Variants in ATXN7 observed in about 807,000 individuals in gnomAD.
ATXN7 encodes the protein ataxin-7.
In ATXN7, 12 loss-of-function variants were observed where a neutral mutation model predicts 70.5. The ratio of observed to expected loss-of-function variants is 0.17; its 90% CI spans 0.11 to 0.28. The LOEUF is 0.28. Ranked by LOEUF, ATXN7 falls within the 10% of genes least tolerant of loss-of-function variation. The pLI is 1.00. For missense variants in ATXN7, 1,256 were observed against 1,131.7 expected (o/e 1.11, Z -1.58); for synonymous variants, 498 against 448.7 (o/e 1.11, Z -1.39).
chr3:63,987,644 C>G (rs2075599088), intron 8 of ATXN7, among the ~76,000 whole-genome samples: 1 of 152,118 alleles, frequency 6.6e-6, no homozygotes, highest in African/African-American at 2.4e-5. Flanking sequence ...ATTGTTTCTT[C>G]CCTTTACATT....
chr3:63,925,337 C>G (rs960282799), intron 4 of ATXN7, among the ~76,000 whole-genome samples: 1 of 152,072 alleles, frequency 6.6e-6, no homozygotes, highest in Non-Finnish European at 1.5e-5. Context: ...GATCAGTACC[C>G]GCCTATGGCC....
intron 9 of ATXN7, 143 bp downstream of exon 9, chr3:63,988,467 A>G (rs998304998): frequency 8.6e-7 from 1 of 1,161,904 alleles, no homozygotes; most frequent in Non-Finnish European, 1.2e-6. Context: ...TACTATGAAA[A>G]AAAAAAAGGA....
At chr3:63,950,920 T>C (rs2074942542) in intron 4 of ATXN7, among the ~76,000 whole-genome samples, 1 of 152,176 alleles carries the variant, frequency 6.6e-6, no homozygotes, top group Non-Finnish European at 1.5e-5. Flanking sequence ...GGAAGGACTC[T>C]CTAGATATCA....
At chr3:63,954,314 T>C (rs1019349683) in intron 5 of ATXN7, among the ~76,000 whole-genome samples, 7 of 152,214 alleles carry the variant, frequency 4.6e-5, no homozygotes, top group African/African-American at 9.6e-5. Context: ...TGGCCCCGGA[T>C]TGGCAACAAG....
chr3:63,966,657 G>T (rs968019683), intron 5 of ATXN7, among the ~76,000 whole-genome samples: 1 of 152,112 alleles, frequency 6.6e-6, no homozygotes, highest in Admixed American at 6.5e-5. Context: ...TGAAAATAGG[G>T]CAGTGCAGCT....
chr3:63,916,161 A>G (rs1004415750), intron 4 of ATXN7, among the ~76,000 whole-genome samples: 1 of 152,144 alleles, frequency 6.6e-6, no homozygotes, highest in Admixed American at 6.5e-5. Flanking sequence ...AATACTACCT[A>G]CTTCCCAAGG....
At chr3:63,874,422 G>T (rs1030022790) in intron 1 of ATXN7, among the ~76,000 whole-genome samples, 1 of 152,230 alleles carries the variant, frequency 6.6e-6, no homozygotes, top group South Asian at 2.1e-4. Context: ...TTTGGCCTTT[G>T]TAAGTATGAG....
At chr3:63,863,748 G>C (rs1461303973), upstream of ATXN7, 4 of 1,250,382 alleles carry the variant, frequency 3.2e-6, no homozygotes, top group South Asian at 3.7e-5. Flanking sequence ...CAGCGGGCGC[G>C]TGTGGCGGCG....
Position 63,952,394 on chromosome 3 carries a change from G to A in ATXN7, c.410G>A (p.Gly137Asp). Reference sequence around the variant, plus strand: ...TGTGTTGCAGACATGCCAATATTTGGTTTCTGTCCAGCCCATGATGATTTC... The same window carrying A: ...TGTGTTGCAGACATGCCAATATTTGATTTCTGTCCAGCCCATGATGATTTC... ...GLCREDMPIF[G>D]FCPAHDDFYL... The change falls in exon 5 of 13, where the codon GGT (glycine) becomes GAT (aspartate). Residue 137 changes from glycine (G) to aspartate (D), a missense_variant. Physicochemically the swap from Gly to Asp is moderately conservative, Grantham distance 94. Coordinates refer to ENST00000674280, the MANE Select transcript of ATXN7 (RefSeq NM_001377405.1). The A allele has an allele frequency of 1.2e-6, 2 of 1,609,872 alleles. No individual in the cohort carries two copies. Among genetic ancestry groups the A allele is most frequent in the Non-Finnish European group, 1.7e-6 (2 of 1,178,692 alleles).
chr3:63,993,752 T>A (rs1412128758), intron 11 of ATXN7, among the ~76,000 whole-genome samples: 1 of 152,188 alleles, frequency 6.6e-6, no homozygotes, highest in Non-Finnish European at 1.5e-5. Context: ...CCTCGAGATT[T>A]GGTTCCAGGC....
At chr3:63,949,612 G>C (rs1053038442) in intron 4 of ATXN7, among the ~76,000 whole-genome samples, 16 of 152,146 alleles carry the variant, frequency 1.1e-4, no homozygotes, top group African/African-American at 3.9e-4. Context: ...TGGCCATGCT[G>C]GTCTCGAACT....
chr3:63,945,851 A>G (rs982865689), intron 4 of ATXN7, among the ~76,000 whole-genome samples: 14 of 152,234 alleles, frequency 9.2e-5, no homozygotes, highest in Admixed American at 5.9e-4. Context: ...AGCCAGGTAC[A>G]GGTCTGGGGG....
chr3:63,871,375 A>T (rs1026237475), intron 1 of ATXN7, among the ~76,000 whole-genome samples: 4 of 152,172 alleles, frequency 2.6e-5, no homozygotes, highest in Non-Finnish European at 2.9e-5. Flanking sequence ...CCTTCTTGTT[A>T]AAAAAAGTAA....
intron 11 of ATXN7, among the ~76,000 whole-genome samples, chr3:63,993,246 G>A (rs977443881): frequency 6.6e-6 from 1 of 150,634 alleles, no homozygotes; most frequent in African/African-American, 2.5e-5. Context: ...GAAGGGGCTG[G>A]GATGGTTTTC....
At chr3:63,869,160 C>G (rs1346628894) in intron 1 of ATXN7, among the ~76,000 whole-genome samples, 1 of 152,012 alleles carries the variant, frequency 6.6e-6, no homozygotes, top group African/African-American at 2.4e-5. Flanking sequence ...TGCTTTCTGC[C>G]CTTGGGTTGG....
At chr3:63,962,500 G>A (rs554742396) in intron 5 of ATXN7, among the ~76,000 whole-genome samples, 1 of 152,000 alleles carries the variant, frequency 6.6e-6, no homozygotes, top group Non-Finnish European at 1.5e-5. Context: ...CATCTCCCAG[G>A]TTCAAGTGAT....
intron 5 of ATXN7, among the ~76,000 whole-genome samples, chr3:63,973,620 C>CTG (rs1462225577): frequency 2.0e-5 from 3 of 152,138 alleles, no homozygotes; most frequent in African/African-American, 7.2e-5. Context: ...CGCAGCTTGC[C>CTG]TGTGTTAAGG....
intron 1 of ATXN7, among the ~76,000 whole-genome samples, chr3:63,881,220 A>T (rs1002903590): frequency 1.3e-5 from 2 of 151,196 alleles, no homozygotes; most frequent in Non-Finnish European, 2.9e-5. Context: ...AATTCAAAAA[A>T]ATGGATTACT....
chr3:63,870,723 C>T (rs966297707), intron 1 of ATXN7, among the ~76,000 whole-genome samples: 2 of 152,034 alleles, frequency 1.3e-5, no homozygotes, highest in Non-Finnish European at 2.9e-5. Flanking sequence ...CCTTCTTTGC[C>T]GTGGAAGGGA....
Sources: allele counts gnomAD v4.1 joint callset (sites outside exome capture counted in the v4.1 genomes callset), GRCh38; gene constraint gnomAD v4.1.1; transcripts MANE v1.5; gene names NCBI Gene and HGNC (gene_info 2026-07-23, HGNC 2026-07-21).